GABBR2: variants seen among roughly 807,000 people sequenced by gnomAD.
GABBR2 encodes G-protein coupled receptor 51.
A neutral mutation model predicts 105.6 loss-of-function variants in GABBR2; 23 were observed. The observed-to-expected ratio is 0.22, with a 90% CI of 0.16 to 0.31. The LOEUF (loss-of-function observed/expected upper bound fraction) is 0.31, where lower values mean the gene tolerates loss of function less well. Among genes scored for constraint, GABBR2 ranks in the 10% least tolerant of loss-of-function variants. The pLI, the probability that GABBR2 is intolerant of heterozygous loss-of-function variation, is 1.00. For synonymous variants in GABBR2, 478 were observed against 499.7 expected (o/e 0.96, Z 0.58); for missense variants, 734 against 1,245.5 (o/e 0.59, Z 6.18).
chr9:98,496,478 C>T lies in GABBR2; in HGVS notation c.667G>A (p.Asp223Asn), dbSNP rs879519199. The change falls in exon 4 of 19, where the codon GAC becomes AAC. Residue 223 changes from aspartate to asparagine, a missense_variant. Asp to Asn is a conservative substitution (Grantham distance 23). Coordinates refer to ENST00000259455, the MANE Select transcript of GABBR2 (RefSeq NM_005458.8). ...NDLTGVLYGE[D>N]IEISDTESFS... ...CTCTCGGTGTCTGAAATCTCAATGT[C>T]CTCGCCATACAGAACTCCAGTCAGG... The T allele has an allele frequency of 1.2e-6, 2 of 1,613,018 alleles. No individual in the cohort carries two copies. The highest frequency in any genetic ancestry group is 1.3e-5 in the African/African-American group (1 of 74,780).
chr9:98,444,625 A>G (rs934735528), intron 7 of GABBR2, among the ~76,000 whole-genome samples: 1 of 152,028 alleles, frequency 6.6e-6, no homozygotes, highest in Non-Finnish European at 1.5e-5. Flanking sequence ...CACAGCAAGG[A>G]TTATTATTAT....
At chr9:98,556,439 T>G (rs1828585240) in intron 2 of GABBR2, among the ~76,000 whole-genome samples, 1 of 152,196 alleles carries the variant, frequency 6.6e-6, no homozygotes, top group African/African-American at 2.4e-5. Context: ...TCCACACCTC[T>G]GAAATGTGCT....
At chr9:98,691,723 T>A (rs541500857) in intron 1 of GABBR2, among the ~76,000 whole-genome samples, 1 of 152,270 alleles carries the variant, frequency 6.6e-6, no homozygotes, top group Non-Finnish European at 1.5e-5. Context: ...CCCCTCAAAG[T>A]CCTACCTTCC....
At chr9:98,395,025 T>C (rs973536410) in intron 8 of GABBR2, among the ~76,000 whole-genome samples, 1 of 152,226 alleles carries the variant, frequency 6.6e-6, no homozygotes, top group African/African-American at 2.4e-5. Flanking sequence ...AAGTGGTGCA[T>C]TCAAATTTAC....
chr9:98,380,320 T>C (rs529649025), intron 11 of GABBR2, among the ~76,000 whole-genome samples: 1 of 152,348 alleles, frequency 6.6e-6, no homozygotes, highest in Admixed American at 6.5e-5. Context: ...CGCTGGGATC[T>C]AAGGTCCGCC....
At chr9:98,456,275 G>T (rs1826325030) in intron 6 of GABBR2, among the ~76,000 whole-genome samples, 2 of 152,182 alleles carry the variant, frequency 1.3e-5, no homozygotes, top group African/African-American at 4.8e-5. Flanking sequence ...TGCACAAGCT[G>T]TTTCTCTGCC....
chr9:98,701,091 T>C (rs192632964), intron 1 of GABBR2, among the ~76,000 whole-genome samples: 49 of 152,366 alleles, frequency 3.2e-4, no homozygotes, highest in African/African-American at 8.4e-4. Context: ...ATCGTTATCT[T>C]GTGCTTCCAG....
chr9:98,433,975 T>G (rs1452223244), intron 7 of GABBR2, among the ~76,000 whole-genome samples: 1 of 152,094 alleles, frequency 6.6e-6, no homozygotes, highest in Non-Finnish European at 1.5e-5. Flanking sequence ...GTATTGTTCC[T>G]GGGTGTGTCT....
At chr9:98,658,495 C>G (rs568555792) in intron 1 of GABBR2, among the ~76,000 whole-genome samples, 1 of 152,300 alleles carries the variant, frequency 6.6e-6, no homozygotes, top group East Asian at 1.9e-4. Context: ...GTCACCTGGA[C>G]ATGCCCTATA....
At chr9:98,314,612 G>A (rs1221873829) in intron 13 of GABBR2, among the ~76,000 whole-genome samples, 2 of 152,058 alleles carry the variant, frequency 1.3e-5, no homozygotes, top group East Asian at 1.9e-4. Context: ...TCCTGCTCCC[G>A]GTGAGGTAGT....
At chr9:98,568,775 C>A (rs919181346) in intron 2 of GABBR2, among the ~76,000 whole-genome samples, 37 of 152,180 alleles carry the variant, frequency 2.4e-4, no homozygotes, top group African/African-American at 8.0e-4. Context: ...TCCTGAAAAC[C>A]CTTCTGTGGG....
At chr9:98,509,375 A>G (rs1564097735) in intron 3 of GABBR2, among the ~76,000 whole-genome samples, 2 of 152,366 alleles carry the variant, frequency 1.3e-5, no homozygotes, top group South Asian at 4.1e-4. Flanking sequence ...CTCCTCCTCC[A>G]AAGGAACACA....
chr9:98,314,695 G>T (rs924759329), intron 13 of GABBR2, among the ~76,000 whole-genome samples: 5 of 152,032 alleles, frequency 3.3e-5, no homozygotes, highest in Middle Eastern at 3.2e-3. Flanking sequence ...TCTCCCCTGG[G>T]GTTCCCCAGA....
chr9:98,383,623 C>A lies in GABBR2; in HGVS notation c.1662+2017G>T, dbSNP rs141182334. On this transcript the variant is annotated intron_variant, in intron 11 of 18. Coordinates refer to ENST00000259455, the MANE Select transcript of GABBR2 (RefSeq NM_005458.8). ...TTACTGGGGACTCGACCACACACTT[C>A]TCAAGGCACTGCCCAATTGAGGATA... is the stretch of plus-strand genomic sequence containing the variant. 4.9e-4 allele frequency among the ~76,000 whole-genome samples: 74 copies of A among 152,340 alleles called. 1 individual carries two copies. In the East Asian group the frequency reaches 6.2e-3, roughly 13 times the overall value.
At chr9:98,467,024 A>G (rs546272586) in intron 6 of GABBR2, among the ~76,000 whole-genome samples, 63 of 152,340 alleles carry the variant, frequency 4.1e-4, no homozygotes, top group Non-Finnish European at 8.5e-4. Context: ...AGAGAATGAA[A>G]AAGAAAGGCC....
intron 7 of GABBR2, among the ~76,000 whole-genome samples, chr9:98,445,281 C>A (rs1011708860): frequency 6.6e-6 from 1 of 152,188 alleles, no homozygotes; most frequent in Non-Finnish European, 1.5e-5. Flanking sequence ...CAGGCTACTG[C>A]AACTGGCAGG....
At chr9:98,450,402 C>A (rs564527682) in intron 7 of GABBR2, among the ~76,000 whole-genome samples, 12 of 151,870 alleles carry the variant, frequency 7.9e-5, no homozygotes, top group South Asian at 2.1e-4. Flanking sequence ...TTTAACGAAA[C>A]CTGTCTACAA....
At chr9:98,301,945 A>C (rs922865024) in intron 16 of GABBR2, among the ~76,000 whole-genome samples, 3 of 152,228 alleles carry the variant, frequency 2.0e-5, no homozygotes, top group African/African-American at 7.2e-5. Flanking sequence ...GAGCCCCCCA[A>C]AGGGCGGCCA....
At chr9:98,393,581 G>A (rs573723081) in intron 9 of GABBR2, among the ~76,000 whole-genome samples, 4 of 152,222 alleles carry the variant, frequency 2.6e-5, no homozygotes, top group Non-Finnish European at 5.9e-5. Context: ...ACCTTGGCTG[G>A]TGCCAGGAAT....
Sources: allele counts gnomAD v4.1 joint callset (sites outside exome capture counted in the v4.1 genomes callset), GRCh38; gene constraint gnomAD v4.1.1; transcripts MANE v1.5; gene names NCBI Gene and HGNC (gene_info 2026-07-23, HGNC 2026-07-21).